Variants in TULP3 observed in about 807,000 individuals in gnomAD.
TULP3 encodes TUB like protein 3, also known as tubby-related protein 3.
TULP3 carries 38 observed loss-of-function variants against 50.7 expected under a neutral mutation model. The ratio of observed to expected loss-of-function variants is 0.75; its 90% confidence interval spans 0.58 to 0.98. The LOEUF is 0.98. Ranked by LOEUF, TULP3 falls within the 50% of genes least tolerant of loss-of-function variation. TULP3 has a pLI of 0.00. For synonymous variants in TULP3, 183 were observed against 196.6 expected, an observed-to-expected ratio of 0.93 and a Z score of 0.58; for missense variants, 550 against 568.0, an observed-to-expected ratio of 0.97 and a Z score of 0.32.
intron 2 of TULP3, among the ~76,000 whole-genome samples, chr12:2,910,674 C>G (rs2098184953): frequency 6.6e-6 from 1 of 152,148 alleles, no homozygotes; most frequent in Non-Finnish European, 1.5e-5. Context: ...GTTTTGTCTT[C>G]TCTTCTTTAT....
At chr12:2,913,201 T>G (rs540624770) in intron 2 of TULP3, among the ~76,000 whole-genome samples, 4,155 of 146,544 alleles carry the variant, frequency 0.028, 186 homozygotes, top group African/African-American at 0.097. Context: ...TATGTTGAGT[T>G]TGTGTGTGTG....
intron 7 of TULP3, 98 bp from the exon 8 acceptor site, chr12:2,934,349 A>T: frequency 1.4e-6 from 1 of 706,016 alleles, no homozygotes; most frequent in Non-Finnish European, 2.2e-6. Context: ...AGACATTTGG[A>T]AAACAGGCAA....
At chr12:2,931,481 G>T (rs2098198020) in intron 6 of TULP3, among the ~76,000 whole-genome samples, 1 of 152,222 alleles carries the variant, frequency 6.6e-6, no homozygotes, top group Non-Finnish European at 1.5e-5. Flanking sequence ...AAATGGACGG[G>T]TAGTTGTTAA....
intron 4 of TULP3, among the ~76,000 whole-genome samples, chr12:2,924,807 T>C (rs1335374306): frequency 6.6e-6 from 1 of 151,978 alleles, no homozygotes; most frequent in Non-Finnish European, 1.5e-5. Context: ...TGAGCCAAGA[T>C]TGTGCTGCTG....
rs185102081 is a variant in TULP3, at chr12:2,903,486, C to T, written c.42-6043C>T. Among the ~76,000 whole-genome samples the T allele has an allele frequency of 8.5e-3, 1,279 of 150,652 alleles. 5 individuals carry two copies. Among genetic ancestry groups the T allele is most frequent in the Non-Finnish European group, 0.014 (959 of 67,766 alleles). ...CTGAGGCAGGAGAATTGCTTGAACC[C>T]GGGAGGCGGAGGTTGCGGCGAGCCA... On this transcript the variant is annotated intron_variant, in intron 1 of 10. Transcript: ENST00000448120.
At chr12:2,925,076 G>A (rs1309309605) in intron 4 of TULP3, among the ~76,000 whole-genome samples, 2 of 151,788 alleles carry the variant, frequency 1.3e-5, no homozygotes, top group East Asian at 1.9e-4. Flanking sequence ...GTTGAGGCAC[G>A]AGAATGGCGT....
intron 1 of TULP3, among the ~76,000 whole-genome samples, chr12:2,895,023 G>A (rs568584836): frequency 5.8e-4 from 88 of 152,338 alleles, no homozygotes; most frequent in Non-Finnish European, 1.1e-3. Flanking sequence ...TCTGAGTAAT[G>A]TCTGTTTGAA....
At chr12:2,920,961 A>G (rs747386968) in intron 3 of TULP3, 39 bp downstream of exon 3, 2 of 1,608,862 alleles carry the variant, frequency 1.2e-6, no homozygotes, top group East Asian at 2.2e-5. Context: ...GTGGGGTACA[A>G]TTTTCACAAA....
At position 2,911,192 on chromosome 12, in the gene TULP3, T is replaced by C. The variant is rs568959989; in HGVS notation, c.93+1612T>C. Among the ~76,000 whole-genome samples the C allele has an allele frequency of 4.2e-4, 64 of 152,272 alleles. 1 individual carries two copies. In the South Asian group the frequency reaches 0.013, roughly 31 times the overall value. On this transcript the variant is annotated intron_variant, in intron 2 of 10. Coordinates refer to ENST00000448120, the MANE Select transcript of TULP3 (RefSeq NM_003324.5). The stretch of plus-strand genomic sequence containing the variant: ...GTTGTAACTTTTGTAAGCCTTTTTG[T>C]AGCACAATTTTTTTTAAATTATGTT...
chr12:2,939,181 TG>T lies in TULP3; in HGVS notation c.1196-128del. On this transcript the variant is annotated intron_variant, in intron 10 of 10. Transcript: ENST00000448120. This position sits in a 1 kb window ranked among gnomAD's most constrained non-coding sequence, Gnocchi z 4.0. ...GGGAGGTCAAGGCTGCAGTGAGCTG[TG>T]GTCATTCCACTAGGCTCCAGCCAGG... is the stretch of plus-strand genomic sequence containing the variant. 1.0e-6 allele frequency: 1 copy of T among 998,936 alleles called. No homozygotes were observed. 61.9% of individuals were successfully genotyped at this position (998,936 alleles called of 1,614,324 possible).
chr12:2,909,499 T>C, intron 1 of TULP3, 30 bp from the exon 2 acceptor site: 1 of 1,550,586 alleles, frequency 6.4e-7, no homozygotes, highest in Non-Finnish European at 8.6e-7. Context: ...TCTTTTTATA[T>C]ACTTGCTTTA....
chr12:2,893,433 G>T (rs540336372), intron 1 of TULP3, among the ~76,000 whole-genome samples: 1 of 149,352 alleles, frequency 6.7e-6, no homozygotes, highest in Admixed American at 6.8e-5. Flanking sequence ...TGATTCTCCA[G>T]CCTCAGCCTC....
At position 2,908,630 on chromosome 12, in the gene TULP3, C is replaced by G. The variant is rs539830491; in HGVS notation, c.42-899C>G. On this transcript the variant is annotated intron_variant, in intron 1 of 10. Transcript: ENST00000448120. ...GTAGAGACGGTTTCACTATGTTGGA[C>G]AGGCTGGTCTCGAACTCCTGACCTT... 4.6e-5 allele frequency among the ~76,000 whole-genome samples: 7 copies of G among 152,176 alleles called. No individual in the cohort carries two copies. The East Asian group carries it at 1.4e-3, about 29-fold the overall frequency.
chr12:2,933,323 A>G, intron 6 of TULP3, 95 bp from the exon 7 acceptor site: 1 of 742,262 alleles, frequency 1.3e-6, no homozygotes, highest in South Asian at 1.6e-5. Context: ...AGGACTTGCT[A>G]AGCACTGGCT....
intron 5 of TULP3, 43 bp downstream of exon 5, chr12:2,930,388 C>A: frequency 1.6e-6 from 2 of 1,240,528 alleles, no homozygotes; most frequent in Non-Finnish European, 2.3e-6. Context: ...TAATTTGACT[C>A]TTTCTCAAAC....
intron 2 of TULP3, among the ~76,000 whole-genome samples, chr12:2,911,745 T>G (rs2098185790): frequency 7.2e-6 from 1 of 138,526 alleles, no homozygotes; most frequent in Non-Finnish European, 1.5e-5. Flanking sequence ...TTTATAGGAG[T>G]TTTTTTTACA....
At chr12:2,895,077 A>G (rs1390530063) in intron 1 of TULP3, among the ~76,000 whole-genome samples, 1 of 152,224 alleles carries the variant, frequency 6.6e-6, no homozygotes. Flanking sequence ...GGATTAAATC[A>G]TACATCTTAA....
At chr12:2,895,911 T>C (rs796767141) in intron 1 of TULP3, among the ~76,000 whole-genome samples, 4 of 151,374 alleles carry the variant, frequency 2.6e-5, no homozygotes, top group Admixed American at 1.3e-4. Context: ...AGTATTAGCA[T>C]ATCTAAACAT....
chr12:2,938,854 G>C (rs980567707), intron 10 of TULP3, among the ~76,000 whole-genome samples: 4 of 152,190 alleles, frequency 2.6e-5, no homozygotes, highest in Middle Eastern at 3.4e-3. Context: ...CCCAATAAAG[G>C]TTCCTGGCAG....
Sources: allele counts gnomAD v4.1 joint callset (sites outside exome capture counted in the v4.1 genomes callset), GRCh38; gene constraint gnomAD v4.1.1; non-coding constraint Gnocchi (gnomAD v3.1); transcripts MANE v1.5; gene names NCBI Gene and HGNC (gene_info 2026-07-23, HGNC 2026-07-21).